The following CLIC5 variants were observed in gnomAD, a reference collection of about 807,000 sequenced individuals.
CLIC5 encodes CLIC family member 5, also known as chloride intracellular channel protein 5.
Under a neutral mutation model 24.7 loss-of-function variants are expected in CLIC5, and 20 were observed. That is an observed-to-expected ratio of 0.81 (90% CI 0.57 to 1.18). The LOEUF (loss-of-function observed/expected upper bound fraction) is 1.18, where lower values mean the gene tolerates loss of function less well. CLIC5 is among the 50% of genes most tolerant of loss of function. CLIC5 has a pLI of 0.00. For missense variants in CLIC5, 341 were observed against 326.1 expected (o/e 1.05, Z -0.35); for synonymous variants, 159 against 135.6 (o/e 1.17, Z -1.20).
chr6:46,087,076 TC>T, the CLIC5 span, among the ~76,000 whole-genome samples: 1 of 152,210 alleles, frequency 6.6e-6, no homozygotes, highest in East Asian at 1.9e-4. Context: ...TTGCATATGA[TC>T]CCCAAATTTC....
At chr6:45,993,994 C>G (rs1022646872) in intron 1 of CLIC5, among the ~76,000 whole-genome samples, 5 of 152,180 alleles carry the variant, frequency 3.3e-5, no homozygotes, top group Admixed American at 6.5e-5. Flanking sequence ...AAGTTGGCTT[C>G]TCCACTTAAA....
At chr6:46,026,112 A>C (rs1767324873) in intron 1 of CLIC5, among the ~76,000 whole-genome samples, 2 of 152,198 alleles carry the variant, frequency 1.3e-5, no homozygotes, top group South Asian at 4.1e-4. Context: ...TCTTTGAGCA[A>C]CATAAGAAAT....
chr6:45,920,527 C>T, intron 4 of CLIC5: 2 of 323,438 alleles, frequency 6.2e-6, no homozygotes, highest in Non-Finnish European at 8.9e-6. Flanking sequence ...ATGTCTCTGG[C>T]CATCACATAT....
chr6:46,055,588 C>T (rs1768226441), intron 1 of CLIC5, among the ~76,000 whole-genome samples: 1 of 152,216 alleles, frequency 6.6e-6, no homozygotes, highest in Non-Finnish European at 1.5e-5. Flanking sequence ...ATAATAGTTA[C>T]TTGTAAATAC....
At chr6:45,903,767 G>A (rs1373276149) in intron 5 of CLIC5, among the ~76,000 whole-genome samples, 1 of 152,104 alleles carries the variant, frequency 6.6e-6, no homozygotes, top group East Asian at 1.9e-4. Flanking sequence ...ATGGCTAGAT[G>A]TCTATATACC....
chr6:46,043,179 G>T (rs935520298), intron 1 of CLIC5, among the ~76,000 whole-genome samples: 1 of 152,170 alleles, frequency 6.6e-6, no homozygotes, highest in Non-Finnish European at 1.5e-5. Flanking sequence ...TATTAACGGT[G>T]CTGATAATGA....
downstream of CLIC5, chr6:45,880,961 T>C: frequency 2.5e-6 from 1 of 393,706 alleles, no homozygotes; most frequent in East Asian, 3.6e-5. Context: ...GCTTTAATTT[T>C]ACTAGAGGGA....
At chr6:45,912,625 C>T (rs1762861271) in intron 5 of CLIC5, 2 of 1,495,888 alleles carry the variant, frequency 1.3e-6, no homozygotes, top group African/African-American at 1.4e-5. Flanking sequence ...GCTCATGCTG[C>T]TAGTTGGCAG....
the CLIC5 span, among the ~76,000 whole-genome samples, chr6:46,110,061 T>C: frequency 6.6e-6 from 1 of 152,134 alleles, no homozygotes; most frequent in East Asian, 1.9e-4. Context: ...ACTTGCTGGC[T>C]CCTTGCTCCT....
At chr6:45,925,243 T>C (rs1283044171) in intron 4 of CLIC5, among the ~76,000 whole-genome samples, 2 of 152,152 alleles carry the variant, frequency 1.3e-5, no homozygotes, top group African/African-American at 2.4e-5. Context: ...GTCAGGCTTC[T>C]ATTACAAACA....
In CLIC5 at chr6:45,932,201, C is replaced by A. The variant is rs760024735; in HGVS notation, c.406+9346G>T. Among the ~76,000 whole-genome samples, 6 of 152,318 alleles carry A rather than the reference C, an allele frequency of 3.9e-5. 1 individual carries two copies. The South Asian group carries it at 1.2e-3, about 32-fold the overall frequency. On this transcript the variant is annotated intron_variant, in intron 4 of 5. Transcript: ENST00000339561. ...CTCGGTTCACTGCAACCTACAACTC[C>A]CTGGTTCAAGTAATTCTCCTGCCTC... is the stretch of plus-strand genomic sequence containing the variant.
At chr6:46,062,584 C>A (rs1409790188) in intron 1 of CLIC5, among the ~76,000 whole-genome samples, 1 of 152,150 alleles carries the variant, frequency 6.6e-6, no homozygotes, top group Non-Finnish European at 1.5e-5. Context: ...TGCCTTCGAG[C>A]CCAGTTTTCT....
intron 1 of CLIC5, among the ~76,000 whole-genome samples, chr6:45,959,337 A>C (rs559432423): frequency 6.6e-6 from 1 of 152,254 alleles, no homozygotes; most frequent in Non-Finnish European, 1.5e-5. Flanking sequence ...GAAAAATGCT[A>C]TAATAAATGT....
At chr6:46,078,528 C>T (rs981140310) in intron 1 of CLIC5, among the ~76,000 whole-genome samples, 3 of 152,180 alleles carry the variant, frequency 2.0e-5, no homozygotes, top group Non-Finnish European at 4.4e-5. Context: ...ACACACTCCA[C>T]CCACTCCTCT....
At chr6:46,118,449 A>G in the CLIC5 span, among the ~76,000 whole-genome samples, 2 of 152,208 alleles carry the variant, frequency 1.3e-5, no homozygotes, top group Non-Finnish European at 2.9e-5. Flanking sequence ...ATGAATATTT[A>G]TGGGGCACAA....
the CLIC5 span, among the ~76,000 whole-genome samples, chr6:46,085,574 G>A: frequency 6.6e-6 from 1 of 152,188 alleles, no homozygotes; most frequent in African/African-American, 2.4e-5. Context: ...CAGCAGTGGT[G>A]GCTGCAGAAC....
upstream of CLIC5, among the ~76,000 whole-genome samples, chr6:46,084,281 A>G (rs1260510678): frequency 6.6e-6 from 1 of 151,996 alleles, no homozygotes; most frequent in African/African-American, 2.4e-5. Flanking sequence ...TTACATTTAA[A>G]GTTAATATTG....
intron 1 of CLIC5, among the ~76,000 whole-genome samples, chr6:46,079,475 T>G (rs1762864304): frequency 1.3e-5 from 2 of 152,238 alleles, no homozygotes; most frequent in African/African-American, 4.8e-5. Context: ...CCATGGTATG[T>G]AAAAGTCAGT....
intron 4 of CLIC5, among the ~76,000 whole-genome samples, chr6:45,919,714 AG>A (rs1432513717): frequency 1.3e-5 from 2 of 152,214 alleles, no homozygotes; most frequent in Non-Finnish European, 2.9e-5. Flanking sequence ...AGAACATCTT[AG>A]ACAATAGGTT....
Sources: gnomAD v4.1 joint callset for allele counts (sites outside exome capture counted in the v4.1 genomes callset) on GRCh38, gnomAD v4.1.1 for gene constraint, MANE v1.5 for transcripts, NCBI Gene and HGNC (gene_info 2026-07-23, HGNC 2026-07-21) for gene names.